PDE11A: variants seen among roughly 807,000 people sequenced by gnomAD.
PDE11A encodes dual 3',5'-cyclic-AMP and -GMP phosphodiesterase 11A.
A neutral mutation model predicts 100.5 loss-of-function variants in PDE11A; 100 were observed. The ratio of observed to expected loss-of-function variants is 1.00; its 90% CI spans 0.85 to 1.18. The LOEUF (loss-of-function observed/expected upper bound fraction) is 1.18, where lower values mean the gene tolerates loss of function less well. PDE11A is among the 50% of genes most tolerant of loss of function. The pLI is 0.00. For missense variants in PDE11A, 1,141 were observed against 1,152.6 expected (o/e 0.99, Z 0.15); for synonymous variants, 381 against 420.8 (o/e 0.91, Z 1.16).
intron 15 of PDE11A, among the ~76,000 whole-genome samples, chr2:177,689,617 T>C (rs1037056760): frequency 4.6e-5 from 7 of 152,196 alleles, no homozygotes; most frequent in Non-Finnish European, 1.0e-4. Context: ...CCAGTTATTA[T>C]GACTAAAGAA....
intron 13 of PDE11A, among the ~76,000 whole-genome samples, chr2:177,708,614 C>T (rs931701031): frequency 2.0e-5 from 3 of 152,068 alleles, no homozygotes; most frequent in African/African-American, 7.2e-5. Context: ...ACATGTACCC[C>T]CAAACCTAAA....
chr2:177,729,850 T>C (rs1006117729), intron 10 of PDE11A, among the ~76,000 whole-genome samples: 2 of 148,896 alleles, frequency 1.3e-5, no homozygotes, highest in Non-Finnish European at 3.0e-5. Context: ...CTTTTCTTTT[T>C]TCCCCCTTTT....
In PDE11A at chr2:177,956,222, AAAC is replaced by A. The variant is rs942902780; in HGVS notation, c.1072-51038_1072-51036del. Among the ~76,000 whole-genome samples, 23 of 152,152 alleles carry A rather than the reference AAAC, an allele frequency of 1.5e-4. 1 individual carries two copies. The highest frequency in any genetic ancestry group is 2.5e-4 in the Non-Finnish European group (17 of 67,994). On this transcript the variant is annotated intron_variant, in intron 2 of 19. Transcript: ENST00000286063. ...TCAAACACATTTACAAGAAAAAAAC[AAAC>A]AACCCCATCAAAAAGTGGGCGAAGG...
chr2:178,046,185 A>G (rs2086748352), intron 1 of PDE11A, among the ~76,000 whole-genome samples: 1 of 152,196 alleles, frequency 6.6e-6, no homozygotes. Flanking sequence ...CCCAATAAAT[A>G]CTGGCTATTA....
At chr2:177,979,889 C>T (rs75234274) in intron 2 of PDE11A, among the ~76,000 whole-genome samples, 1,790 of 150,408 alleles carry the variant, frequency 0.012, 93 homozygotes, top group East Asian at 0.075. Flanking sequence ...GGATTACAAG[C>T]GTGAGCCACC....
At chr2:177,767,423 A>C (rs563056301) in intron 10 of PDE11A, among the ~76,000 whole-genome samples, 2 of 152,110 alleles carry the variant, frequency 1.3e-5, no homozygotes, top group Non-Finnish European at 2.9e-5. Context: ...CAAAGCTCAT[A>C]TTATCATCTT....
chr2:178,010,691 G>C (rs13006992), intron 2 of PDE11A, among the ~76,000 whole-genome samples: 15,148 of 152,180 alleles, frequency 0.1, 1,039 homozygotes, highest in Non-Finnish European at 0.15. Context: ...CTAAGCAATC[G>C]AGGCTCTGTA....
intron 15 of PDE11A, among the ~76,000 whole-genome samples, chr2:177,682,340 T>TATC (rs1383311037): frequency 6.6e-6 from 1 of 152,234 alleles, no homozygotes; most frequent in East Asian, 1.9e-4. Context: ...AACCAAGCTG[T>TATC]AGCCCAGCCG....
rs533992553 is a variant in PDE11A at position 177,747,340 on chromosome 2, C to A, written c.1789-19168G>T. Among the ~76,000 whole-genome samples the A allele has an allele frequency of 2.6e-5, 4 of 152,352 alleles. No homozygotes were observed. In the South Asian group the frequency reaches 8.3e-4, roughly 32 times the overall value. On this transcript the variant is annotated intron_variant, in intron 10 of 19. Coordinates refer to ENST00000286063, the MANE Select transcript of PDE11A (RefSeq NM_016953.4). ...AAATTCACCCCACCTGTGGGAAAGA[C>A]CCTGTTCTGACCTTGGTGCTCTACT...
chr2:177,631,224 T>A (rs1164818734), intron 19 of PDE11A, among the ~76,000 whole-genome samples: 1 of 148,342 alleles, frequency 6.7e-6, no homozygotes, highest in Non-Finnish European at 1.5e-5. Flanking sequence ...GGTGAGTGGA[T>A]CATTTGAGGT....
chr2:178,040,849 T>C (rs913825149), intron 1 of PDE11A, among the ~76,000 whole-genome samples: 3 of 152,236 alleles, frequency 2.0e-5, no homozygotes, highest in Admixed American at 2.0e-4. Context: ...TTTTATGACT[T>C]TCATAATAGT....
chr2:177,999,286 T>C (rs1431308528), intron 2 of PDE11A, among the ~76,000 whole-genome samples: 2 of 152,172 alleles, frequency 1.3e-5, no homozygotes, highest in African/African-American at 4.8e-5. Flanking sequence ...CATTTATAGG[T>C]TCATCCAAGG....
At chr2:177,632,434 C>A (rs2079965934) in intron 19 of PDE11A, among the ~76,000 whole-genome samples, 1 of 152,168 alleles carries the variant, frequency 6.6e-6, no homozygotes, top group Non-Finnish European at 1.5e-5. Context: ...CTTCTCTCCT[C>A]TTATCCATTA....
intron 16 of PDE11A, among the ~76,000 whole-genome samples, chr2:177,677,239 T>C (rs10803913): frequency 0.87 from 132,913 of 152,228 alleles, 58,080 homozygotes; most frequent in African/African-American, 0.93. Context: ...TATTGGGAAG[T>C]CTCCACAGGG....
chr2:177,891,553 C>T (rs947791155), intron 4 of PDE11A, among the ~76,000 whole-genome samples: 1 of 152,120 alleles, frequency 6.6e-6, no homozygotes, highest in Non-Finnish European at 1.5e-5. Context: ...AGTATTTTTG[C>T]ATTTGATTTT....
Position 177,816,913 on chromosome 2 carries a change from G to T in PDE11A, c.1653C>A (p.Val551=). Residue 551 remains valine, a synonymous_variant, in exon 9 of 20, where the codon GTC becomes GTA. Coordinates refer to ENST00000286063, the MANE Select transcript of PDE11A (RefSeq NM_016953.4). ...TGTTGATGCCAAGTCCACAAAAGAT[G>T]ACAAAAGCCTAGGAAAGAGCAAACC... The part of the protein sequence containing the change: ...DADQRLFEAF[V]IFCGLGINNT... The T allele has an allele frequency of 6.2e-7, 1 of 1,603,164 alleles. No individual in the cohort carries two copies. The highest frequency in any genetic ancestry group is 8.5e-7 in the Non-Finnish European group (1 of 1,170,226).
chr2:177,649,813 G>A (rs1357977240), intron 19 of PDE11A, among the ~76,000 whole-genome samples: 1 of 152,116 alleles, frequency 6.6e-6, no homozygotes, highest in Non-Finnish European at 1.5e-5. Flanking sequence ...TGTGCCTTTT[G>A]TACTTTGTGA....
At chr2:177,969,105 C>T (rs555226243) in intron 2 of PDE11A, among the ~76,000 whole-genome samples, 4 of 152,148 alleles carry the variant, frequency 2.6e-5, no homozygotes, top group Admixed American at 1.3e-4. Context: ...AGAATGAGTT[C>T]GTGTCCTTTG....
chr2:177,835,363 T>C (rs544144468), intron 6 of PDE11A, among the ~76,000 whole-genome samples: 71 of 152,298 alleles, frequency 4.7e-4, no homozygotes, highest in African/African-American at 1.6e-3. Flanking sequence ...TTTTTCCTTT[T>C]TCCTCCTCTG....
Sources: gnomAD v4.1 joint callset for allele counts (sites outside exome capture counted in the v4.1 genomes callset) on GRCh38, gnomAD v4.1.1 for gene constraint, MANE v1.5 for transcripts, NCBI Gene and HGNC (gene_info 2026-07-23, HGNC 2026-07-21) for gene names.